The following SMAD5 variants were observed in gnomAD, a reference collection of about 807,000 sequenced individuals.
SMAD5 encodes the protein SMAD family member 5, also known as MAD, mothers against decapentaplegic homolog 5.
SMAD5 carries 9 observed loss-of-function variants against 43.1 expected under a neutral mutation model. That is an observed-to-expected ratio of 0.21 (90% CI 0.13 to 0.36). The LOEUF (loss-of-function observed/expected upper bound fraction) is 0.36, where lower values mean the gene tolerates loss of function less well. Among genes scored for constraint, SMAD5 ranks in the 10% least tolerant of loss-of-function variants. The pLI, the probability that SMAD5 is intolerant of heterozygous loss-of-function variation, is 1.00. For missense variants in SMAD5, 348 were observed against 574.0 expected, an observed-to-expected ratio of 0.61 and a Z score of 4.02; for synonymous variants, 190 against 192.4, an observed-to-expected ratio of 0.99 and a Z score of 0.10.
Position 136,179,481 on chromosome 5 carries a change from A to G in SMAD5, c.*2001A>G, listed in dbSNP as rs1219369306. On this transcript the variant is annotated 3_prime_UTR_variant, in exon 8 of 8. Transcript: ENST00000545279. Reference sequence around the variant, plus strand: ...TGCTCTTGTGAAGAAAAAAAAAAGCATTTTCGAGGAAAGAATTATGCAATT... The same window carrying G: ...TGCTCTTGTGAAGAAAAAAAAAAGCGTTTTCGAGGAAAGAATTATGCAATT... 3 of 152,106 alleles carry G rather than the reference A, an allele frequency of 2.0e-5. No homozygotes were observed. The highest frequency in any genetic ancestry group is 1.9e-4 in the East Asian group (1 of 5,146). The allele number at this position is 152,106 out of a possible 1,614,324, so 9.4% of individuals were successfully genotyped here. A position where few individuals can be genotyped will look rare whatever the true frequency, so the allele number is the denominator to read the frequency against.
rs1754666007 is a variant in SMAD5 at position 136,182,483 on chromosome 5, T to C, written c.*5003T>C. The C allele has an allele frequency of 6.6e-6, 1 of 152,642 alleles. No individual in the cohort carries two copies. The highest frequency in any genetic ancestry group is 2.4e-5 in the African/African-American group (1 of 41,456). 9.5% of individuals were successfully genotyped at this position (152,642 alleles called of 1,614,324 possible). Reference sequence around the variant, plus strand: ...ACCTGCCCACATTTTCTTAAAAAGATATTTCATATACAGATAATGAAGACC... The same window carrying C: ...ACCTGCCCACATTTTCTTAAAAAGACATTTCATATACAGATAATGAAGACC... On this transcript the variant is annotated 3_prime_UTR_variant, in exon 8 of 8. Transcript: ENST00000545279.
intron 5 of SMAD5, among the ~76,000 whole-genome samples, chr5:136,168,982 G>A (rs1754120828): frequency 6.6e-6 from 1 of 152,074 alleles, no homozygotes; most frequent in African/African-American, 2.4e-5. Flanking sequence ...AGTTTATTAA[G>A]GAGAATTGAC....
intron 3 of SMAD5, among the ~76,000 whole-genome samples, chr5:136,156,744 A>G (rs1456235825): frequency 6.6e-6 from 1 of 152,232 alleles, no homozygotes; most frequent in East Asian, 1.9e-4. Flanking sequence ...CAGCCAGCCA[A>G]TAGAAATGTC....
intron 7 of SMAD5, 75 bp downstream of exon 7, chr5:136,174,707 A>G: frequency 9.6e-7 from 1 of 1,045,202 alleles, no homozygotes; most frequent in Non-Finnish European, 1.4e-6. Flanking sequence ...AATTTTTAAA[A>G]ATTGTTAAAT....
chr5:136,166,485 A>T (rs1754018489), intron 5 of SMAD5, among the ~76,000 whole-genome samples: 1 of 152,112 alleles, frequency 6.6e-6, no homozygotes, highest in Admixed American at 6.5e-5. Context: ...ATTTGCCTAT[A>T]ATTTAAAATC....
Position 136,153,718 on chromosome 5 carries a change from A to G in SMAD5, c.-43A>G. The stretch of plus-strand genomic sequence containing the variant: ...CCTGTGATCTGTTCTTTCGGTAGCC[A>G]CTGACTTTGAGTTACAGGAAGGTCT... On this transcript the variant is annotated 5_prime_UTR_variant, in exon 3 of 8. Coordinates refer to ENST00000545279, the MANE Select transcript of SMAD5 (RefSeq NM_005903.7). The G allele has an allele frequency of 6.5e-7, 1 of 1,543,232 alleles. No homozygotes were observed. The highest frequency in any genetic ancestry group is 1.2e-5 in the South Asian group (1 of 83,626).
chr5:136,142,659 A>T (rs950850347), intron 1 of SMAD5, among the ~76,000 whole-genome samples: 9 of 152,150 alleles, frequency 5.9e-5, no homozygotes, highest in Admixed American at 3.9e-4. Context: ...ATAGCAGATA[A>T]TGGGTTCATA....
At position 136,182,114 on chromosome 5, in the gene SMAD5, G is replaced by A. The variant is rs1754646775; in HGVS notation, c.*4634G>A. 1 of 151,994 alleles carries A rather than the reference G, an allele frequency of 6.6e-6. No homozygotes were observed. The highest frequency in any genetic ancestry group is 2.4e-5 in the African/African-American group (1 of 41,388). The allele number at this position is 151,994 out of a possible 1,614,324, so 9.4% of individuals were successfully genotyped here. On this transcript the variant is annotated 3_prime_UTR_variant, in exon 8 of 8. Transcript: ENST00000545279. The stretch of plus-strand genomic sequence containing the variant: ...TATTTGAAGATGCTGTTAAAGTACA[G>A]AATTTTGTGTACAGGTAGATTTTTC...
intron 2 of SMAD5, among the ~76,000 whole-genome samples, chr5:136,149,378 G>A (rs182969969): frequency 7.5e-4 from 114 of 151,756 alleles, no homozygotes; most frequent in African/African-American, 2.5e-3. Context: ...TATGTTTAGC[G>A]TTAGTGGATA....
At chr5:136,150,457 G>A (rs751347539) in intron 2 of SMAD5, among the ~76,000 whole-genome samples, 3 of 151,924 alleles carry the variant, frequency 2.0e-5, no homozygotes, top group Middle Eastern at 3.2e-3. Flanking sequence ...TCCAGGTGCT[G>A]AAGACTACTT....
intron 2 of SMAD5, among the ~76,000 whole-genome samples, chr5:136,152,021 C>G (rs757381404): frequency 1.3e-5 from 2 of 152,090 alleles, no homozygotes; most frequent in Non-Finnish European, 2.9e-5. Context: ...TTATATCTCT[C>G]TATTTTAATG....
chr5:136,143,381 GTTGGAATTTTTGTCTTC>G (rs1309879051), intron 1 of SMAD5, among the ~76,000 whole-genome samples: 1 of 150,760 alleles, frequency 6.6e-6, no homozygotes, highest in Non-Finnish European at 1.5e-5. Flanking sequence ...GTCCTTTGTT[GTTGGAATTTTTGTCTTC>G]TTGAAATACC....
At chr5:136,159,145 A>G (rs1214280780) in intron 3 of SMAD5, among the ~76,000 whole-genome samples, 2 of 152,226 alleles carry the variant, frequency 1.3e-5, no homozygotes, top group Non-Finnish European at 2.9e-5. Context: ...ACATGTATGT[A>G]TATATGAATA....
chr5:136,135,388 T>C (rs1691695634), intron 1 of SMAD5, among the ~76,000 whole-genome samples: 1 of 152,242 alleles, frequency 6.6e-6, no homozygotes, highest in Non-Finnish European at 1.5e-5. Flanking sequence ...GTTTCCTGTT[T>C]TCATCATGAA....
At chr5:136,144,754 A>G (rs928243400) in intron 1 of SMAD5, among the ~76,000 whole-genome samples, 6 of 151,900 alleles carry the variant, frequency 3.9e-5, no homozygotes, top group South Asian at 2.1e-4. Flanking sequence ...TATTTCACCT[A>G]TGTGGACTGT....
At chr5:136,164,044 T>C (rs968235069) in intron 5 of SMAD5, among the ~76,000 whole-genome samples, 2 of 151,986 alleles carry the variant, frequency 1.3e-5, no homozygotes, top group African/African-American at 4.8e-5. Context: ...AAATAAAAAA[T>C]TACCTGGGTG....
chr5:136,136,522 T>C (rs966184717), intron 1 of SMAD5, among the ~76,000 whole-genome samples: 3 of 152,224 alleles, frequency 2.0e-5, no homozygotes, highest in African/African-American at 7.2e-5. Flanking sequence ...TCTGAGAAGT[T>C]TGTTTACTAA....
In SMAD5 at chr5:136,145,017, G is replaced by T. The variant is rs1359292444; in HGVS notation, c.-244-2815G>T. Reference sequence around the variant, plus strand: ...GTTAAAAGAATGAGAACAAAGGAGGGGTTAGAATGACAGATACTGGGGGCA... The same window carrying T: ...GTTAAAAGAATGAGAACAAAGGAGGTGTTAGAATGACAGATACTGGGGGCA... On this transcript the variant is annotated intron_variant, in intron 1 of 7. Transcript: ENST00000545279. 2.6e-5 allele frequency among the ~76,000 whole-genome samples: 4 copies of T among 151,840 alleles called. No homozygotes were observed. In the East Asian group the frequency reaches 7.7e-4, roughly 29 times the overall value.
chr5:136,143,499 T>A (rs1753159589), intron 1 of SMAD5, among the ~76,000 whole-genome samples: 1 of 152,104 alleles, frequency 6.6e-6, no homozygotes, highest in South Asian at 2.1e-4. Context: ...GTATTCACAG[T>A]CTTTCCCTGT....
Sources: allele counts gnomAD v4.1 joint callset (sites outside exome capture counted in the v4.1 genomes callset), GRCh38; gene constraint gnomAD v4.1.1; transcripts MANE v1.5; gene names NCBI Gene and HGNC (gene_info 2026-07-23, HGNC 2026-07-21).